PPFIA3: variants seen among roughly 807,000 people sequenced by gnomAD.
The protein encoded by PPFIA3 is liprin-alpha-3.
In PPFIA3, 26 loss-of-function variants were observed where a neutral mutation model predicts 145.8. That is an observed-to-expected ratio of 0.18 (90% confidence interval 0.13 to 0.25). The LOEUF is 0.25. Ranked by LOEUF, PPFIA3 falls within the 10% of genes least tolerant of loss-of-function variation. PPFIA3 has a pLI of 1.00. For missense variants in PPFIA3, 1,008 were observed against 1,587.8 expected (o/e 0.63, Z 6.21); for synonymous variants, 645 against 661.4 (o/e 0.98, Z 0.38).
At chr19:49,144,818 C>T (rs1169542996) in intron 21 of PPFIA3, among the ~76,000 whole-genome samples, 1 of 152,074 alleles carries the variant, frequency 6.6e-6, no homozygotes, top group Non-Finnish European at 1.5e-5. Context: ...GTCATAACAT[C>T]TTAGCCCCCA....
Position 49,133,403 on chromosome 19 carries a change from T to C in PPFIA3, c.1161+32T>C. The C allele has an allele frequency of 6.8e-7, 1 of 1,462,512 alleles. No individual in the cohort carries two copies. The highest frequency in any genetic ancestry group is 1.3e-5 in the South Asian group (1 of 74,762). 90.6% of individuals were successfully genotyped at this position (1,462,512 alleles called of 1,614,324 possible). ...GGAGGACTCGGGTCGGGGCCTTGCG[T>C]GGGGAAGGGGTGGGGCCTAGAGGAG... On this transcript the variant is annotated intron_variant, in intron 9 of 29. Coordinates refer to ENST00000334186, the MANE Select transcript of PPFIA3 (RefSeq NM_003660.4). This position sits in a 1 kb window ranked among gnomAD's most constrained non-coding sequence, Gnocchi z 7.2.
chr19:49,135,556 TAG>T (rs2041127835), intron 13 of PPFIA3, among the ~76,000 whole-genome samples: 1 of 151,772 alleles, frequency 6.6e-6, no homozygotes, highest in Admixed American at 6.6e-5. Flanking sequence ...TTATTTTTAG[TAG>T]AGACAGGGCT....
Position 49,149,806 on chromosome 19 carries a change from T to G in PPFIA3, c.3526+88T>G. ...CAGTAGTCCGGGTTCTGGAATGGCC[T>G]AGTCCTTTCTCGCCCACCCCTGAGG... is the stretch of plus-strand genomic sequence containing the variant. On this transcript the variant is annotated intron_variant, in intron 28 of 29. Coordinates refer to ENST00000334186, the MANE Select transcript of PPFIA3 (RefSeq NM_003660.4). The surrounding 1 kb of genome is among the most constrained non-coding windows in gnomAD (Gnocchi z 5.7). The G allele has an allele frequency of 4.1e-6, 6 of 1,447,134 alleles. No individual in the cohort carries two copies. Among genetic ancestry groups the G allele is most frequent in the Non-Finnish European group, 5.6e-6 (6 of 1,080,726 alleles). 89.6% of individuals were successfully genotyped at this position (1,447,134 alleles called of 1,614,324 possible). A position where few individuals can be genotyped will look rare whatever the true frequency, so the allele number is the denominator to read the frequency against.
chr19:49,134,593 G>C, intron 11 of PPFIA3, 46 bp from the exon 12 acceptor site: 1 of 1,571,892 alleles, frequency 6.4e-7, no homozygotes, highest in South Asian at 1.1e-5. Context: ...CCCCACGGGC[G>C]TGGCCCCTCA....
In PPFIA3 at chr19:49,142,079, T is replaced by C; in HGVS notation, c.2508T>C (p.Ala836=). 6.3e-7 allele frequency: 1 copy of C among 1,578,752 alleles called. No homozygotes were observed. Among genetic ancestry groups the C allele is most frequent in the South Asian group, 1.2e-5 (1 of 85,902 alleles). Residue 836 remains alanine, a synonymous_variant, in exon 20 of 30, where the codon GCT becomes GCC. Coordinates refer to ENST00000334186, the MANE Select transcript of PPFIA3 (RefSeq NM_003660.4). ...CCTGCCGCCAGGGCCTACCTTTTGC[T>C]GCCTGGGACGGGCCCACCGTGGTGT... is the stretch of plus-strand genomic sequence containing the variant. ...EEACRQGLPF[A]AWDGPTVVSW...
chr19:49,142,781 GT>G (rs1168032624), intron 20 of PPFIA3, 22 bp from the exon 21 acceptor site: 1 of 1,595,590 alleles, frequency 6.3e-7, no homozygotes, highest in East Asian at 2.3e-5. Context: ...TGTCCCCTCT[GT>G]CCCTCTGTCC....
Position 49,129,396 on chromosome 19 carries a change from G to A in PPFIA3, c.524G>A (p.Arg175Gln). ...GATCCCCAGGTCCGGGAGCGGCTGC[G>A]GATGGCGCTGGAGCGCGTGGCAGTG... ...ALDEKVRERL[R>Q]MALERVAVLE... Residue 175 changes from arginine (R) to glutamine (Q), a missense_variant, in exon 5 of 30, where the codon CGG becomes CAG. Transcript: ENST00000334186. 6.4e-7 allele frequency: 1 copy of A among 1,550,784 alleles called. No individual in the cohort carries two copies. Among genetic ancestry groups the A allele is most frequent in the South Asian group, 1.2e-5 (1 of 84,050 alleles).
intron 5 of PPFIA3, 147 bp downstream of exon 5, chr19:49,129,601 G>T: frequency 1.2e-6 from 1 of 838,102 alleles, no homozygotes; most frequent in Non-Finnish European, 1.9e-6. Context: ...ACTATGGAGA[G>T]AAACCAGTGG....
intron 13 of PPFIA3, among the ~76,000 whole-genome samples, chr19:49,135,226 GAC>G (rs2041124465): frequency 6.6e-6 from 1 of 151,960 alleles, no homozygotes; most frequent in East Asian, 1.9e-4. Flanking sequence ...AGTTTTAGTA[GAC>G]ACGGGGTTTT....
At position 49,133,581 on chromosome 19, in the gene PPFIA3, C is replaced by A. The variant is rs887440574; in HGVS notation, c.1161+210C>A. On this transcript the variant is annotated intron_variant, in intron 9 of 29. Coordinates refer to ENST00000334186, the MANE Select transcript of PPFIA3 (RefSeq NM_003660.4). This position sits in a 1 kb window ranked among gnomAD's most constrained non-coding sequence, Gnocchi z 7.2. Reference sequence around the variant, plus strand: ...ACGGATGGGAGCGGGGTTCTCTAGCCTGGACTGAAAGGACCGGTGGCCTGG... The same window carrying A: ...ACGGATGGGAGCGGGGTTCTCTAGCATGGACTGAAAGGACCGGTGGCCTGG... 3.9e-5 allele frequency among the ~76,000 whole-genome samples: 6 copies of A among 152,212 alleles called. No individual in the cohort carries two copies. Among genetic ancestry groups the A allele is most frequent in the African/African-American group, 1.4e-4 (6 of 41,522 alleles).
intron 21 of PPFIA3, among the ~76,000 whole-genome samples, chr19:49,144,307 C>T (rs2041257042): frequency 6.6e-6 from 1 of 152,162 alleles, no homozygotes; most frequent in Non-Finnish European, 1.5e-5. Context: ...CCGTGCCCGG[C>T]CTACAATATT....
Position 49,148,764 on chromosome 19 carries a change from G to A in PPFIA3, c.3109+1G>A. ...GAAGAAAGTCAGACCCAGATCCGAG[G>A]TGAGTAGAGCCTAAGGGTCCCTTTG... On this transcript the variant is annotated splice_donor_variant, in intron 25 of 29. Coordinates refer to ENST00000334186, the MANE Select transcript of PPFIA3 (RefSeq NM_003660.4). LOFTEE classifies it high-confidence loss of function. 6.2e-7 allele frequency: 1 copy of A among 1,612,276 alleles called. No homozygotes were observed. Among genetic ancestry groups the A allele is most frequent in the Non-Finnish European group, 8.5e-7 (1 of 1,178,348 alleles).
intron 20 of PPFIA3, 136 bp downstream of exon 20, chr19:49,142,251 G>C: frequency 1.4e-6 from 1 of 723,558 alleles, no homozygotes; most frequent in Non-Finnish European, 2.3e-6. Flanking sequence ...TGGCAGGTGA[G>C]GACCCAGGAG....
Position 49,133,960 on chromosome 19 carries a change from G to T in PPFIA3, c.1246-74G>T. On this transcript the variant is annotated intron_variant, in intron 10 of 29. Coordinates refer to ENST00000334186, the MANE Select transcript of PPFIA3 (RefSeq NM_003660.4). The surrounding 1 kb of genome is among the most constrained non-coding windows in gnomAD (Gnocchi z 7.2). ...AATAAGGAGGCTGGGCTGGGCCCGG[G>T]GGTGGGGCTTAGAGGAAGGGCCGTG... 6.2e-7 allele frequency: 1 copy of T among 1,606,214 alleles called. No homozygotes were observed. Among genetic ancestry groups the T allele is most frequent in the Non-Finnish European group, 8.5e-7 (1 of 1,175,904 alleles).
rs893211195 is a variant in PPFIA3 at position 49,143,489 on chromosome 19, C to T, written c.2745+485C>T. Reference sequence around the variant, plus strand: ...CCGGGTTCAAGCCATTCTCCTGTCTCAGCCTCCTGAGTAGCTGGGATTACA... The same window carrying T: ...CCGGGTTCAAGCCATTCTCCTGTCTTAGCCTCCTGAGTAGCTGGGATTACA... On this transcript the variant is annotated intron_variant, in intron 21 of 29. Transcript: ENST00000334186. Among the ~76,000 whole-genome samples the T allele has an allele frequency of 3.3e-5, 5 of 152,260 alleles. No homozygotes were observed. In the East Asian group the frequency reaches 9.6e-4, roughly 29 times the overall value.
At chr19:49,135,637 T>C (rs1371247014) in intron 13 of PPFIA3, 142 bp from the exon 14 acceptor site, 7 of 858,964 alleles carry the variant, frequency 8.1e-6, no homozygotes, top group Non-Finnish European at 1.7e-6. Flanking sequence ...CCCAAAGTGC[T>C]GGGATTGCAG....
intron 4 of PPFIA3, 40 bp from the exon 5 acceptor site, chr19:49,129,340 T>C (rs117665044): frequency 0.023 from 36,220 of 1,545,106 alleles, 493 homozygotes; most frequent in Non-Finnish European, 0.028. Flanking sequence ...CTAAACTGGA[T>C]CTTGTCTCCA....
Position 49,138,316 on chromosome 19 carries a change from G to A in PPFIA3, c.1965G>A (p.Leu655=), listed in dbSNP as rs888579401. 4 of 1,611,998 alleles carry A rather than the reference G, an allele frequency of 2.5e-6. No homozygotes were observed. The highest frequency in any genetic ancestry group is 1.7e-5 in the Admixed American group (1 of 59,870). ...GCCGCTACCGCAGCAGCTGCTCCCT[G>A]CCCCCCTCCCTCACCACCTCTACCC... ...SLGRYRSSCS[L]PPSLTTSTLA... Residue 655 remains leucine (L), a synonymous_variant, in exon 16 of 30, where the codon CTG becomes CTA. Coordinates refer to ENST00000334186, the MANE Select transcript of PPFIA3 (RefSeq NM_003660.4).
At position 49,149,830 on chromosome 19, in the gene PPFIA3, G is replaced by A; in HGVS notation, c.3526+112G>A. 1 of 1,328,280 alleles carries A rather than the reference G, an allele frequency of 7.5e-7. No homozygotes were observed. Among genetic ancestry groups the A allele is most frequent in the Admixed American group, 2.5e-5 (1 of 40,216 alleles). 82.3% of individuals were successfully genotyped at this position (1,328,280 alleles called of 1,614,324 possible). On this transcript the variant is annotated intron_variant, in intron 28 of 29. Coordinates refer to ENST00000334186, the MANE Select transcript of PPFIA3 (RefSeq NM_003660.4). This position sits in a 1 kb window ranked among gnomAD's most constrained non-coding sequence, Gnocchi z 5.7. The stretch of plus-strand genomic sequence containing the variant: ...CTAGTCCTTTCTCGCCCACCCCTGA[G>A]GAATGGACTGCTCCAACGTTCCGGA...
Sources: gnomAD v4.1 joint callset for allele counts (sites outside exome capture counted in the v4.1 genomes callset) on GRCh38, gnomAD v4.1.1 for gene constraint, Gnocchi (gnomAD v3.1) non-coding constraint, MANE v1.5 for transcripts, NCBI Gene and HGNC (gene_info 2026-07-23, HGNC 2026-07-21) for gene names.